MYO5B: variants seen among roughly 807,000 people sequenced by gnomAD.
The protein encoded by MYO5B is unconventional myosin-Vb.
In MYO5B, 143 loss-of-function variants were observed where a neutral mutation model predicts 229.3. That is an observed-to-expected ratio of 0.62 (90% CI 0.54 to 0.72). The LOEUF is 0.72. MYO5B is among the 30% of genes least tolerant of loss of function. MYO5B has a pLI of 0.00. For synonymous variants in MYO5B, 918 were observed against 885.2 expected (o/e 1.04, Z -0.66); for missense variants, 2,321 against 2,331.0 (o/e 1.00, Z 0.09).
chr18:50,085,215 T>C (rs907108732), intron 1 of MYO5B, among the ~76,000 whole-genome samples: 11 of 151,896 alleles, frequency 7.2e-5, no homozygotes, highest in South Asian at 4.2e-4. Flanking sequence ...AACAAATTTA[T>C]AAGAAAAAAA....
intron 1 of MYO5B, among the ~76,000 whole-genome samples, chr18:50,156,459 C>T (rs1301584148): frequency 6.6e-6 from 1 of 152,134 alleles, no homozygotes; most frequent in Non-Finnish European, 1.5e-5. Context: ...GAGGCTTTTC[C>T]CCCTTTGGCT....
intron 35 of MYO5B, among the ~76,000 whole-genome samples, chr18:49,839,647 T>TCC (rs1324282974): frequency 1.3e-5 from 2 of 152,174 alleles, no homozygotes; most frequent in African/African-American, 4.8e-5. Context: ...ATATATCAGG[T>TCC]CCCCCTAAAA....
At chr18:49,924,134 C>T (rs992753866) in intron 17 of MYO5B, among the ~76,000 whole-genome samples, 7 of 152,158 alleles carry the variant, frequency 4.6e-5, no homozygotes, top group African/African-American at 1.7e-4. Context: ...CTGGGAATTT[C>T]AGAATGCTCT....
chr18:50,128,060 C>A (rs1021781192), intron 1 of MYO5B, among the ~76,000 whole-genome samples: 1 of 152,228 alleles, frequency 6.6e-6, no homozygotes, highest in African/African-American at 2.4e-5. Context: ...ACCATCAGCT[C>A]TCCTGGGTTT....
Position 50,194,776 on chromosome 18 carries a change from G to C in MYO5B, c.18C>G (p.Leu6=), listed in dbSNP as rs1366865579. ...TCGCGGCCGCGCTCACCTGGCTGTA[G>C]AGCTCGCCCACCGACATGGCCCGGG... MSVGE[L]YSQCTRVWIP... The change falls in exon 1 of 40, where the codon CTC becomes CTG. Residue 6 remains leucine, a synonymous_variant. Transcript: ENST00000285039. 2.7e-6 allele frequency: 4 copies of C among 1,464,894 alleles called. No homozygotes were observed. Among genetic ancestry groups the C allele is most frequent in the Non-Finnish European group, 3.6e-6 (4 of 1,112,538 alleles). The allele number at this position is 1,464,894 out of a possible 1,614,324, so 90.7% of individuals were successfully genotyped here. A position where few individuals can be genotyped will look rare whatever the true frequency, so the allele number is the denominator to read the frequency against.
At position 49,912,173 on chromosome 18, in the gene MYO5B, C is replaced by G. The variant is rs774688133; in HGVS notation, c.2091G>C (p.Arg697Ser). Residue 697 changes from arginine (R) to serine (S), a missense_variant and splice_region_variant, in exon 18 of 40, where the codon AGG becomes AGC. By Grantham distance (110) the Arg-to-Ser change is moderately radical. This residue lies in a region of MYO5B where 2,113 missense variants were observed against 2,044.7 expected (regional missense o/e 1.03). Coordinates refer to ENST00000285039, the MANE Select transcript of MYO5B (RefSeq NM_001080467.3). ...IRISAAGYPS[R>S]WAYHDFFNRY... The stretch of plus-strand genomic sequence containing the variant: ...GGTTGAAAAAGTCATGGTAGGCCCA[C>G]CTGGAGGGAAAGCAAAGGGGCATCA... 4.3e-6 allele frequency: 7 copies of G among 1,613,472 alleles called. No homozygotes were observed. In the Admixed American group the frequency reaches 6.7e-5, roughly 15 times the overall value.
chr18:49,894,785 C>A (rs143203856), intron 22 of MYO5B, among the ~76,000 whole-genome samples, 156 bp downstream of exon 22: 39 of 152,370 alleles, frequency 2.6e-4, no homozygotes, highest in African/African-American at 9.4e-4. Context: ...CAAAGCATGC[C>A]ACTTTCTGTC....
chr18:50,180,508 C>T (rs1039817892), intron 1 of MYO5B, among the ~76,000 whole-genome samples: 6 of 152,198 alleles, frequency 3.9e-5, no homozygotes, highest in Non-Finnish European at 1.5e-5. Context: ...TCCTCCTTCC[C>T]ACCTACCCGC....
intron 14 of MYO5B, among the ~76,000 whole-genome samples, chr18:49,944,471 C>G (rs2025349368): frequency 6.6e-6 from 1 of 152,106 alleles, no homozygotes. Flanking sequence ...ACCAGAAGAG[C>G]TTACAACCTA....
intron 22 of MYO5B, among the ~76,000 whole-genome samples, chr18:49,884,828 G>C (rs2024625770): frequency 1.3e-5 from 2 of 152,236 alleles, no homozygotes; most frequent in South Asian, 4.2e-4. Context: ...AACGGGCAAA[G>C]AACTGAAATA....
chr18:50,152,152 G>A (rs2032608628), intron 1 of MYO5B, among the ~76,000 whole-genome samples: 5 of 152,264 alleles, frequency 3.3e-5, no homozygotes, highest in South Asian at 4.1e-4. Context: ...ACAGGCCTTC[G>A]TGAAAAGCAC....
At chr18:50,085,679 T>C (rs1415387194) in intron 1 of MYO5B, among the ~76,000 whole-genome samples, 1 of 152,172 alleles carries the variant, frequency 6.6e-6, no homozygotes, top group Non-Finnish European at 1.5e-5. Context: ...TGTCCAACAA[T>C]GATAGACTGG....
At chr18:50,015,687 G>A (rs559291469) in intron 4 of MYO5B, among the ~76,000 whole-genome samples, 5 of 152,264 alleles carry the variant, frequency 3.3e-5, no homozygotes, top group African/African-American at 7.2e-5. Context: ...ATGAAGTCAC[G>A]CCACATTATC....
chr18:49,852,396 T>A (rs2024211798), intron 31 of MYO5B, among the ~76,000 whole-genome samples: 1 of 152,138 alleles, frequency 6.6e-6, no homozygotes, highest in Admixed American at 6.5e-5. Context: ...CACACGTATA[T>A]GCAACAGAAA....
In MYO5B at chr18:49,940,446, C is replaced by T. The variant is rs576785271; in HGVS notation, c.1753-3049G>A. 4.6e-5 allele frequency among the ~76,000 whole-genome samples: 7 copies of T among 152,254 alleles called. No homozygotes were observed. The South Asian group carries it at 1.5e-3, about 32-fold the overall frequency. On this transcript the variant is annotated intron_variant, in intron 14 of 39. Transcript: ENST00000285039. ...CAGTTTCTGCAACCTTATTAGGTAC[C>T]TTTGTGCTGGAGTTCCAGGGTGATA...
intron 27 of MYO5B, 100 bp from the exon 28 acceptor site, chr18:49,864,480 T>G: frequency 6.5e-7 from 1 of 1,529,258 alleles, no homozygotes; most frequent in Admixed American, 1.8e-5. Flanking sequence ...ACTGGGAAAC[T>G]TCGCTCTTTA....
At chr18:49,883,702 T>A (rs2024613298) in intron 22 of MYO5B, among the ~76,000 whole-genome samples, 1 of 152,214 alleles carries the variant, frequency 6.6e-6, no homozygotes, top group South Asian at 2.1e-4. Flanking sequence ...AAAGCTGGAA[T>A]AATCACACTT....
intron 1 of MYO5B, among the ~76,000 whole-genome samples, chr18:50,166,900 A>G (rs2032860238): frequency 6.6e-6 from 1 of 152,198 alleles, no homozygotes; most frequent in African/African-American, 2.4e-5. Context: ...GAAGATCACA[A>G]TCTTGGATAT....
chr18:49,916,650 A>C (rs2025017923), intron 17 of MYO5B, among the ~76,000 whole-genome samples: 1 of 152,142 alleles, frequency 6.6e-6, no homozygotes, highest in African/African-American at 2.4e-5. Flanking sequence ...TCCTGTGTGA[A>C]GGCAAACCGT....
Sources: gnomAD v4.1 joint callset for allele counts (sites outside exome capture counted in the v4.1 genomes callset) on GRCh38, gnomAD v4.1.1 for gene constraint, gnomAD v4.1.1 regional missense constraint, MANE v1.5 for transcripts, NCBI Gene and HGNC (gene_info 2026-07-23, HGNC 2026-07-21) for gene names.